Variants in VWF observed in about 807,000 individuals in gnomAD.
The protein encoded by VWF is von Willebrand factor, also known as Factor VIII related antigen.
A neutral mutation model predicts 308.6 loss-of-function variants in VWF; 176 were observed. The ratio of observed to expected loss-of-function variants is 0.57; its 90% CI spans 0.50 to 0.65. The LOEUF (loss-of-function observed/expected upper bound fraction) is 0.65, where lower values mean the gene tolerates loss of function less well. Ranked by LOEUF, VWF falls within the 30% of genes least tolerant of loss-of-function variation. The pLI, the probability that VWF is intolerant of heterozygous loss-of-function variation, is 0.00. For synonymous variants in VWF, 1,385 were observed against 1,443.4 expected (o/e 0.96, Z 0.92); for missense variants, 3,146 against 3,648.2 (o/e 0.86, Z 3.55).
Position 6,063,019 on chromosome 12 carries a change from C to T in VWF, c.1468G>A (p.Val490Met), listed in dbSNP as rs757446283. Residue 490 changes from valine to methionine, a missense_variant, in exon 13 of 52, where the codon GTG becomes ATG. This residue lies in a region of VWF where 1,304 missense variants were observed against 1,353.0 expected (regional missense o/e 0.96). Coordinates refer to ENST00000261405, the MANE Select transcript of VWF (RefSeq NM_000552.5). This position sits in a 1 kb window ranked among gnomAD's most constrained non-coding sequence, Gnocchi z 4.9. ...AGGTCCTCCCCGTAGCTGAGGCGCA[C>T]GGAGGCCGTCACTGTATGCTGGATG... ...LRIQHTVTAS[V>M]RLSYGEDLQM... 86 of 1,613,642 alleles carry T rather than the reference C, an allele frequency of 5.3e-5. No homozygotes were observed. The South Asian group carries it at 5.5e-4, about 10-fold the overall frequency.
At chr12:6,109,193 AACTT>A (rs1343846720) in intron 5 of VWF, among the ~76,000 whole-genome samples, 1 of 152,070 alleles carries the variant, frequency 6.6e-6, no homozygotes, top group Non-Finnish European at 1.5e-5. Flanking sequence ...CAGTTTGGGC[AACTT>A]AGCAAGACCT....
chr12:5,992,038 T>A lies in VWF; in HGVS notation c.6599-20A>T, dbSNP rs61750621. On this transcript the variant is annotated intron_variant, in intron 37 of 51. Transcript: ENST00000261405. ...ACATAGCTGTAGACAGAGAAGGAGG[T>A]CACTTGCAAAGGCCCACACCAGCCA... 1.6e-4 allele frequency: 250 copies of A among 1,612,572 alleles called. No individual in the cohort carries two copies. Among genetic ancestry groups the A allele is most frequent in the Non-Finnish European group, 2.0e-4 (233 of 1,179,028 alleles).
At position 6,063,330 on chromosome 12, in the gene VWF, G is replaced by A. The variant is rs1021711959; in HGVS notation, c.1433-276C>T. ...CTACTGCCACAGGAGGGAGGCAGAG[G>A]CTCCTGCATCCTGGGCTGTAGGCAG... On this transcript the variant is annotated intron_variant, in intron 12 of 51. Coordinates refer to ENST00000261405, the MANE Select transcript of VWF (RefSeq NM_000552.5). This position sits in a 1 kb window ranked among gnomAD's most constrained non-coding sequence, Gnocchi z 4.9. Among the ~76,000 whole-genome samples the A allele has an allele frequency of 6.6e-5, 10 of 152,132 alleles. No homozygotes were observed.
In VWF at chr12:6,090,246, C is replaced by G. The variant is rs1230970923; in HGVS notation, c.657+5214G>C. 5.3e-5 allele frequency among the ~76,000 whole-genome samples: 8 copies of G among 152,170 alleles called. 1 individual carries two copies. In the South Asian group the frequency reaches 1.7e-3, roughly 32 times the overall value. On this transcript the variant is annotated intron_variant, in intron 6 of 51. Transcript: ENST00000261405. ...TGCTGGGATTACAGGCGTGAGCCACCGTGCCCGGCCGAAAATCTGTCCTCT... is the reference window on the plus strand; with the variant it reads ...TGCTGGGATTACAGGCGTGAGCCACGGTGCCCGGCCGAAAATCTGTCCTCT...
chr12:6,087,931 A>G (rs908743243), intron 6 of VWF, among the ~76,000 whole-genome samples: 5 of 152,082 alleles, frequency 3.3e-5, no homozygotes, highest in Non-Finnish European at 7.4e-5. Context: ...GTTTCTCAAT[A>G]GAGACTGATC....
chr12:6,090,901 A>G (rs144217463), intron 6 of VWF, among the ~76,000 whole-genome samples: 40 of 152,238 alleles, frequency 2.6e-4, no homozygotes, highest in Middle Eastern at 3.4e-3. Flanking sequence ...TATCAAGGGT[A>G]TGGTTCAGGC....
chr12:6,044,630 T>A (rs537746896), intron 17 of VWF, among the ~76,000 whole-genome samples, 179 bp from the exon 18 acceptor site: 2 of 152,174 alleles, frequency 1.3e-5, no homozygotes, highest in Non-Finnish European at 2.9e-5. Context: ...GGGCATCTTC[T>A]CACCTGGGCT....
chr12:5,980,055 A>T (rs1943579512), intron 42 of VWF, among the ~76,000 whole-genome samples: 1 of 148,864 alleles, frequency 6.7e-6, no homozygotes, highest in Non-Finnish European at 1.5e-5. Flanking sequence ...AAAAAAAAGA[A>T]GAACGAATGA....
chr12:6,092,624 T>TGAGAGAGAGAGAGAGAGAGAGAGAGA (rs1180180618), intron 6 of VWF, among the ~76,000 whole-genome samples: 32 of 87,054 alleles, frequency 3.7e-4, no homozygotes, highest in African/African-American at 1.9e-3. Flanking sequence ...TGAGAGTGTG[T>TGAGAGAGAGAGAGAGAGAGAGAGAGA]GTGTGTGTGT....
At chr12:5,983,534 T>C (rs1221728909) in intron 40 of VWF, among the ~76,000 whole-genome samples, 1 of 151,862 alleles carries the variant, frequency 6.6e-6, no homozygotes, top group Non-Finnish European at 1.5e-5. Context: ...GATAGATAGA[T>C]AGATAGATGG....
intron 38 of VWF, among the ~76,000 whole-genome samples, chr12:5,991,007 T>C (rs376868529): frequency 6.0e-5 from 9 of 149,912 alleles, no homozygotes; most frequent in Middle Eastern, 3.6e-3. Context: ...TGGAGTCACA[T>C]AGAGCTTCAA....
At chr12:6,015,103 T>C (rs1944041504) in intron 31 of VWF, among the ~76,000 whole-genome samples, 1 of 152,244 alleles carries the variant, frequency 6.6e-6, no homozygotes, top group Non-Finnish European at 1.5e-5. Context: ...TCCAAATATA[T>C]ATCCTTTCCC....
chr12:6,115,960 A>T (rs1354365339), intron 3 of VWF, among the ~76,000 whole-genome samples: 1 of 152,178 alleles, frequency 6.6e-6, no homozygotes, highest in Admixed American at 6.5e-5. Flanking sequence ...TGCAACACAA[A>T]GCTGCGTAAC....
intron 2 of VWF, 189 bp downstream of exon 2, chr12:6,122,953 C>A: frequency 1.3e-6 from 1 of 774,364 alleles, no homozygotes. Flanking sequence ...ATGGCATTTG[C>A]AGGCACCTGG....
In VWF at chr12:6,074,242, C is replaced by T. The variant is rs1944814525; in HGVS notation, c.875-501G>A. Among the ~76,000 whole-genome samples, 5 of 152,076 alleles carry T rather than the reference C, an allele frequency of 3.3e-5. No individual in the cohort carries two copies. The South Asian group carries it at 1.0e-3, about 32-fold the overall frequency. On this transcript the variant is annotated intron_variant, in intron 7 of 51. Transcript: ENST00000261405. ...TCATTCCATATTTATTTCCACTCTG[C>T]CACAAGGCTGCCTTCACAGATATCA...
intron 22 of VWF, among the ~76,000 whole-genome samples, chr12:6,026,835 ACTACACACT>A (rs1944198309): frequency 3.3e-5 from 5 of 152,206 alleles, no homozygotes; most frequent in African/African-American, 1.2e-4. Flanking sequence ...TGATTTGATC[ACTACACACT>A]GTATACATGT....
At chr12:5,967,444 G>C in intron 47 of VWF, 42 bp downstream of exon 47, 1 of 1,556,632 alleles carries the variant, frequency 6.4e-7, no homozygotes, top group Non-Finnish European at 8.9e-7. Flanking sequence ...GGTCCCACAC[G>C]CGTCCAGTCC....
chr12:6,121,384 C>A (rs41299142), intron 2 of VWF, 46 bp from the exon 3 acceptor site: 20,737 of 1,605,540 alleles, frequency 0.013, 532 homozygotes, highest in African/African-American at 0.1. Flanking sequence ...CAGGGCACAA[C>A]TGGGACCATC....
intron 18 of VWF, among the ~76,000 whole-genome samples, chr12:6,042,099 G>A (rs1253654375): frequency 2.0e-5 from 3 of 152,206 alleles, no homozygotes; most frequent in Non-Finnish European, 4.4e-5. Context: ...AGGTGACTGG[G>A]CTTCCGGTAA....
Sources: gnomAD v4.1 joint callset for allele counts (sites outside exome capture counted in the v4.1 genomes callset) on GRCh38, gnomAD v4.1.1 for gene constraint, gnomAD v4.1.1 regional missense constraint, Gnocchi (gnomAD v3.1) non-coding constraint, MANE v1.5 for transcripts, NCBI Gene and HGNC (gene_info 2026-07-23, HGNC 2026-07-21) for gene names.